The following SOX13 variants were observed in gnomAD, a reference collection of about 807,000 sequenced individuals.
SOX13 encodes the protein SRY-box transcription factor 13.
Under a neutral mutation model 71.8 loss-of-function variants are expected in SOX13, and 28 were observed. The ratio of observed to expected loss-of-function variants is 0.39; its 90% CI spans 0.29 to 0.53. SOX13 has a LOEUF of 0.53. Among genes scored for constraint, SOX13 ranks in the 20% least tolerant of loss-of-function variants. The probability of loss-of-function intolerance (pLI) is 0.70; values close to 1 mark genes in which losing one functional copy is unlikely to be tolerated. For synonymous variants in SOX13, 309 were observed against 317.8 expected (o/e 0.97, Z 0.29); for missense variants, 627 against 810.3 (o/e 0.77, Z 2.75).
chr1:204,082,948 C>T (rs996390526), intron 1 of SOX13, among the ~76,000 whole-genome samples: 6 of 152,206 alleles, frequency 3.9e-5, no homozygotes, highest in African/African-American at 1.2e-4. Context: ...CAACTGTACA[C>T]GATAGCCTGT....
chr1:204,095,542 T>C (rs1380819615), intron 1 of SOX13, among the ~76,000 whole-genome samples: 1 of 152,108 alleles, frequency 6.6e-6, no homozygotes, highest in African/African-American at 2.4e-5. Context: ...GCTGCCCCCA[T>C]GTTGTCCCCT....
chr1:204,109,327 G>A (rs560688909), intron 1 of SOX13, among the ~76,000 whole-genome samples: 1 of 152,334 alleles, frequency 6.6e-6, no homozygotes, highest in South Asian at 2.1e-4. Context: ...CTCATGCACT[G>A]CTTGCCTACC....
chr1:204,122,051 G>C, intron 8 of SOX13, 66 bp downstream of exon 8: 1 of 1,208,594 alleles, frequency 8.3e-7, no homozygotes, highest in Non-Finnish European at 1.2e-6. Context: ...TGCCGTGTTA[G>C]GGAACTGCGG....
Position 204,114,403 on chromosome 1 carries a change from A to C in SOX13, c.302A>C (p.Lys101Thr). ...GAGGCTGCCTCTGGAAGCCAGGAGA[A>C]GCTGGACTTCAACCGAAATTTGAAA... ...VSEAASGSQE[K>T]LDFNRNLKEV... The change falls in exon 3 of 14, where the codon AAG becomes ACG. Residue 101 changes from lysine (K) to threonine (T), a missense_variant. Lys to Thr is a moderately conservative substitution (Grantham distance 78). Coordinates refer to ENST00000367204, the MANE Select transcript of SOX13 (RefSeq NM_005686.3). 6.2e-7 allele frequency: 1 copy of C among 1,613,116 alleles called. No individual in the cohort carries two copies. Among genetic ancestry groups the C allele is most frequent in the Non-Finnish European group, 8.5e-7 (1 of 1,179,476 alleles).
chr1:204,077,203 G>A (rs1231268781), intron 1 of SOX13, among the ~76,000 whole-genome samples: 7 of 152,218 alleles, frequency 4.6e-5, no homozygotes, highest in African/African-American at 1.7e-4. Context: ...CAGAACAGGG[G>A]CAACAGCTAT....
intron 1 of SOX13, among the ~76,000 whole-genome samples, chr1:204,109,749 A>C (rs1226209190): frequency 6.6e-6 from 1 of 152,214 alleles, no homozygotes; most frequent in Non-Finnish European, 1.5e-5. Flanking sequence ...AGTCCCTGAT[A>C]TAGAATGGCA....
At chr1:204,075,803 G>T (rs370878612) in intron 1 of SOX13, among the ~76,000 whole-genome samples, 8 of 152,202 alleles carry the variant, frequency 5.3e-5, no homozygotes, top group East Asian at 3.9e-4. Flanking sequence ...AGGATTAAAA[G>T]ACTTAATAAA....
intron 1 of SOX13, among the ~76,000 whole-genome samples, chr1:204,091,466 G>A (rs1294870222): frequency 6.6e-6 from 1 of 152,226 alleles, no homozygotes; most frequent in Non-Finnish European, 1.5e-5. Flanking sequence ...CAATGGATAA[G>A]CTTTACCAAG....
At chr1:204,077,572 GA>G (rs1341527469) in intron 1 of SOX13, among the ~76,000 whole-genome samples, 1 of 152,062 alleles carries the variant, frequency 6.6e-6, no homozygotes, top group Non-Finnish European at 1.5e-5. Flanking sequence ...CATAAGAAGT[GA>G]AAAAATCAGG....
rs771666353 is a variant in SOX13 at position 204,122,000 on chromosome 1, C to T, written c.861+15C>T. The T allele has an allele frequency of 6.4e-7, 1 of 1,574,428 alleles. No individual in the cohort carries two copies. Among genetic ancestry groups the T allele is most frequent in the Admixed American group, 1.7e-5 (1 of 59,420 alleles). ...ACCCCCTGCAGGTACCGCCCTCTACCCACTGGCCTGGGGCTCCCTCTCGAG... is the reference window on the plus strand; with the variant it reads ...ACCCCCTGCAGGTACCGCCCTCTACTCACTGGCCTGGGGCTCCCTCTCGAG... On this transcript the variant is annotated intron_variant, in intron 8 of 13. Transcript: ENST00000367204.
chr1:204,117,077 G>C (rs372878442), intron 5 of SOX13, 45 bp from the exon 6 acceptor site: 2 of 1,592,920 alleles, frequency 1.3e-6, no homozygotes, highest in Non-Finnish European at 1.7e-6. Context: ...TGGGCACCAG[G>C]GCTAATGTCC....
At chr1:204,103,090 A>G (rs997726655) in intron 1 of SOX13, among the ~76,000 whole-genome samples, 1 of 152,230 alleles carries the variant, frequency 6.6e-6, no homozygotes, top group African/African-American at 2.4e-5. Context: ...TTCCCTGAAC[A>G]TATATTCTGT....
intron 1 of SOX13, among the ~76,000 whole-genome samples, chr1:204,098,346 G>A (rs61825739): frequency 0.14 from 22,031 of 151,946 alleles, 1,761 homozygotes; most frequent in East Asian, 0.39. Context: ...GCGTGGAGGC[G>A]CATGCCTGTA....
chr1:204,076,115 T>G (rs772947063), intron 1 of SOX13, among the ~76,000 whole-genome samples: 1 of 152,002 alleles, frequency 6.6e-6, no homozygotes, highest in African/African-American at 2.4e-5. Flanking sequence ...ACAACTTTTG[T>G]GAAAGCATTT....
intron 1 of SOX13, among the ~76,000 whole-genome samples, chr1:204,110,761 A>G (rs1336622964): frequency 6.6e-6 from 1 of 152,196 alleles, no homozygotes; most frequent in Non-Finnish European, 1.5e-5. Flanking sequence ...CAATCTATCC[A>G]AATGCATCCA....
At chr1:204,108,862 ATTTCT>A (rs1656520922) in intron 1 of SOX13, among the ~76,000 whole-genome samples, 1 of 151,918 alleles carries the variant, frequency 6.6e-6, no homozygotes, top group Non-Finnish European at 1.5e-5. Flanking sequence ...GGTTGTTTTC[ATTTCT>A]TTTGTCTGAA....
chr1:204,122,543 C>T, intron 9 of SOX13, 144 bp downstream of exon 9: 1 of 661,618 alleles, frequency 1.5e-6, no homozygotes, highest in South Asian at 1.9e-5. Context: ...AGCAGAAGAT[C>T]CCCTTCTTCC....
At chr1:204,094,519 A>T (rs551459108) in intron 1 of SOX13, among the ~76,000 whole-genome samples, 2 of 152,212 alleles carry the variant, frequency 1.3e-5, no homozygotes, top group Non-Finnish European at 2.9e-5. Flanking sequence ...CAGTGGGGGA[A>T]GGGAAGCACT....
At chr1:204,095,957 A>G (rs1656242973) in intron 1 of SOX13, among the ~76,000 whole-genome samples, 1 of 152,204 alleles carries the variant, frequency 6.6e-6, no homozygotes, top group East Asian at 1.9e-4. Context: ...TTCAGTTAAC[A>G]TAATGTCTTC....
Sources: allele counts gnomAD v4.1 joint callset (sites outside exome capture counted in the v4.1 genomes callset), GRCh38; gene constraint gnomAD v4.1.1; transcripts MANE v1.5; gene names NCBI Gene and HGNC (gene_info 2026-07-23, HGNC 2026-07-21).